The following DPP4 variants were observed in gnomAD, a reference collection of about 807,000 sequenced individuals.
DPP4 encodes the protein ADCP-2.
DPP4 carries 93 observed loss-of-function variants against 122.4 expected under a neutral mutation model. The observed-to-expected ratio is 0.76, with a 90% CI of 0.64 to 0.90. The LOEUF (loss-of-function observed/expected upper bound fraction) is 0.90. Among genes scored for constraint, DPP4 ranks in the 40% least tolerant of loss-of-function variants. The probability of loss-of-function intolerance (pLI) is 0.00; values close to 1 mark genes in which losing one functional copy is unlikely to be tolerated. For synonymous variants in DPP4, 321 were observed against 302.9 expected (o/e 1.06, Z -0.62); for missense variants, 914 against 907.3 (o/e 1.01, Z -0.09).
At chr2:162,011,642 T>C (rs1682710487) in intron 20 of DPP4, 151 bp downstream of exon 20, 4 of 735,958 alleles carry the variant, frequency 5.4e-6, no homozygotes, top group East Asian at 5.4e-5. Context: ...TATTTAAACA[T>C]AACATCTTCA....
chr2:162,067,416 C>T (rs1684985151), intron 2 of DPP4, among the ~76,000 whole-genome samples: 2 of 152,144 alleles, frequency 1.3e-5, no homozygotes, highest in Non-Finnish European at 2.9e-5. Context: ...AGTTATACAT[C>T]CTGAGCCACC....
At chr2:161,994,891 A>AATT (rs1164592174) in intron 25 of DPP4, 70 bp downstream of exon 25, 2 of 1,445,170 alleles carry the variant, frequency 1.4e-6, no homozygotes, top group African/African-American at 2.8e-5. Context: ...CTGCTAAAAG[A>AATT]ATTAGCCCAG....
chr2:162,007,264 T>C (rs1701304902), intron 22 of DPP4, among the ~76,000 whole-genome samples: 2 of 152,082 alleles, frequency 1.3e-5, no homozygotes, highest in South Asian at 4.1e-4. Context: ...ATGGGAAAAA[T>C]GGCTTTTAAG....
chr2:162,041,279 C>T (rs1338969773), intron 5 of DPP4, among the ~76,000 whole-genome samples: 1 of 152,164 alleles, frequency 6.6e-6, no homozygotes, highest in Non-Finnish European at 1.5e-5. Context: ...CGTCTGCCTT[C>T]TTTACCATAC....
intron 9 of DPP4, among the ~76,000 whole-genome samples, 166 bp downstream of exon 9, chr2:162,034,998 T>C (rs2106119740): frequency 6.6e-6 from 1 of 152,296 alleles, no homozygotes; most frequent in Non-Finnish European, 1.5e-5. Context: ...TTTCCTGGGA[T>C]AATAAAAATA....
At chr2:162,013,363 CA>C (rs1682781071) in intron 19 of DPP4, among the ~76,000 whole-genome samples, 1 of 152,028 alleles carries the variant, frequency 6.6e-6, no homozygotes, top group Admixed American at 6.6e-5. Flanking sequence ...TCATTTGTTA[CA>C]ATTATTTTAC....
In DPP4 at chr2:161,992,844, T is replaced by C. The variant is rs773862693; in HGVS notation, c.*439A>G. The C allele has an allele frequency of 6.3e-6, 1 of 158,248 alleles. No individual in the cohort carries two copies. Among genetic ancestry groups the C allele is most frequent in the Non-Finnish European group, 1.4e-5 (1 of 71,360 alleles). The allele number at this position is 158,248 out of a possible 1,614,324, so 9.8% of individuals were successfully genotyped here. A position where few individuals can be genotyped will look rare whatever the true frequency, so the allele number is the denominator to read the frequency against. The stretch of plus-strand genomic sequence containing the variant: ...TGGACTTGGGTTCCCAGCCATGCCC[T>C]GCTATCTTCTCTCCCTAATCCCTCT... On this transcript the variant is annotated 3_prime_UTR_variant, in exon 26 of 26. Transcript: ENST00000360534.
intron 10 of DPP4, among the ~76,000 whole-genome samples, chr2:162,033,189 G>A (rs570299581): frequency 6.6e-6 from 1 of 152,142 alleles, no homozygotes; most frequent in African/African-American, 2.4e-5. Context: ...TCCCCTCATC[G>A]GCCCCATCCA....
intron 2 of DPP4, among the ~76,000 whole-genome samples, chr2:162,070,298 A>T (rs998997991): frequency 6.6e-6 from 1 of 152,036 alleles, no homozygotes. Flanking sequence ...ATATGACAAT[A>T]GTATTAAGCC....
In DPP4 at chr2:162,046,984, T is replaced by C. The variant is rs147389677; in HGVS notation, c.216A>G (p.Gln72=). 1.9e-4 allele frequency: 303 copies of C among 1,593,212 alleles called. No individual in the cohort carries two copies. The highest frequency in any genetic ancestry group is 2.5e-4 in the Non-Finnish European group (295 of 1,161,862). Residue 72 remains glutamine (Q), a synonymous_variant, in exon 4 of 26, where the codon CAA becomes CAG. Transcript: ENST00000360534. ...CATTGAATACCAAGATATTATTTTC[T>C]TGTTTGTAGAGATATTCATGATCTA... ...WISDHEYLYK[Q]ENNILVFNAE...
chr2:162,006,751 T>C (rs1701292029), intron 22 of DPP4, among the ~76,000 whole-genome samples: 1 of 152,124 alleles, frequency 6.6e-6, no homozygotes, highest in Admixed American at 6.6e-5. Flanking sequence ...CAAATTGCAG[T>C]AAAACTTTAA....
At chr2:162,072,122 A>G (rs185878117) in intron 2 of DPP4, among the ~76,000 whole-genome samples, 16 of 152,280 alleles carry the variant, frequency 1.1e-4, no homozygotes, top group Middle Eastern at 3.4e-3. Context: ...GGGCCTTTAT[A>G]TTTATATTTA....
rs183708875 is a variant in DPP4 at position 162,044,981 on chromosome 2, C to T, written c.366+551G>A. The stretch of plus-strand genomic sequence containing the variant: ...CTTTCTTTCTTTTTTTTTTTTTTGA[C>T]GGGGTCTCACTCTGTCCTCTAGACT... On this transcript the variant is annotated intron_variant, in intron 5 of 25. Coordinates refer to ENST00000360534, the MANE Select transcript of DPP4 (RefSeq NM_001935.4). Among the ~76,000 whole-genome samples, 193 of 136,328 alleles carry T rather than the reference C, an allele frequency of 1.4e-3. 1 individual carries two copies. The East Asian group carries it at 0.022, about 15-fold the overall frequency. The allele number at this position is 136,328 out of a possible 152,430, so 89.4% of individuals were successfully genotyped here.
At position 162,024,829 on chromosome 2, in the gene DPP4, G is replaced by A; in HGVS notation, c.998C>T (p.Ser333Phe). The A allele has an allele frequency of 6.2e-7, 1 of 1,613,726 alleles. No homozygotes were observed. Among genetic ancestry groups the A allele is most frequent in the Non-Finnish European group, 8.5e-7 (1 of 1,180,014 alleles). Residue 333 changes from serine (S) to phenylalanine (F), a missense_variant, in exon 11 of 26, where the codon TCC becomes TTC. Transcript: ENST00000360534. ...CACTAAGCAGTTCCATCTTCCACTG[G>A]ATTCATCATAGTCACAAATATCCAT... ...SVMDICDYDE[S>F]SGRWNCLVAR...
chr2:162,033,518 A>G (rs1251603207), intron 10 of DPP4, 23 bp downstream of exon 10: 3 of 1,570,384 alleles, frequency 1.9e-6, no homozygotes, highest in Non-Finnish European at 2.6e-6. Flanking sequence ...TTACAAGCCA[A>G]GCATTCAGGA....
intron 23 of DPP4, among the ~76,000 whole-genome samples, chr2:161,998,953 T>G (rs1701074819): frequency 6.6e-6 from 1 of 152,172 alleles, no homozygotes; most frequent in Admixed American, 6.5e-5. Flanking sequence ...AAACAAAAGC[T>G]TCCCCTGCAA....
chr2:162,011,005 GA>G (rs1682683984), intron 20 of DPP4, among the ~76,000 whole-genome samples: 1 of 152,112 alleles, frequency 6.6e-6, no homozygotes, highest in Non-Finnish European at 1.5e-5. Context: ...GAGTCAGAAT[GA>G]GACTGGATTC....
chr2:162,006,505 T>C (rs1444512193), intron 22 of DPP4, among the ~76,000 whole-genome samples: 2 of 152,164 alleles, frequency 1.3e-5, no homozygotes, highest in Admixed American at 6.6e-5. Context: ...TTCTCTCATT[T>C]TGTGGTGAAG....
intron 5 of DPP4, among the ~76,000 whole-genome samples, chr2:162,040,576 G>A (rs1470553816): frequency 1.3e-5 from 2 of 150,984 alleles, no homozygotes; most frequent in Non-Finnish European, 2.9e-5. Flanking sequence ...ATGAATGGGG[G>A]AAACACAGGG....
Sources: allele counts gnomAD v4.1 joint callset (sites outside exome capture counted in the v4.1 genomes callset), GRCh38; gene constraint gnomAD v4.1.1; transcripts MANE v1.5; gene names NCBI Gene and HGNC (gene_info 2026-07-23, HGNC 2026-07-21).